The following STX3 variants were observed in gnomAD, a reference collection of about 807,000 sequenced individuals.
STX3 encodes syntaxin-3.
A neutral mutation model predicts 40.2 loss-of-function variants in STX3; 19 were observed. The observed-to-expected ratio is 0.47, with a 90% CI of 0.33 to 0.69. The LOEUF is 0.69. Ranked by LOEUF, STX3 falls within the 30% of genes least tolerant of loss-of-function variation. STX3 has a pLI of 0.02. For missense variants in STX3, 364 were observed against 366.7 expected (o/e 0.99, Z 0.06); for synonymous variants, 122 against 132.2 (o/e 0.92, Z 0.53).
At chr11:59,758,765 T>C (rs1409350212) in intron 1 of STX3, among the ~76,000 whole-genome samples, 1 of 152,228 alleles carries the variant, frequency 6.6e-6, no homozygotes, top group Non-Finnish European at 1.5e-5. Flanking sequence ...AGCTGAACTT[T>C]GAATCTGCTG....
chr11:59,784,861 G>C (rs1047019848), intron 2 of STX3, among the ~76,000 whole-genome samples: 1 of 152,162 alleles, frequency 6.6e-6, no homozygotes, highest in Non-Finnish European at 1.5e-5. Flanking sequence ...AGTATCATAG[G>C]TTGTAACAGA....
chr11:59,792,359 G>A (rs971656843), intron 6 of STX3, 144 bp downstream of exon 6: 5 of 655,604 alleles, frequency 7.6e-6, no homozygotes, highest in African/African-American at 1.8e-5. Flanking sequence ...GGCACATCCC[G>A]AATGCTGTGC....
intron 4 of STX3, 55 bp from the exon 5 acceptor site, chr11:59,790,464 C>T (rs1865061388): frequency 7.4e-7 from 1 of 1,342,418 alleles, no homozygotes; most frequent in Non-Finnish European, 1.1e-6. Context: ...CACTGAATAG[C>T]ATGTTTCTTG....
chr11:59,771,394 C>A (rs1160464321), intron 1 of STX3, among the ~76,000 whole-genome samples: 3 of 78,716 alleles, frequency 3.8e-5, no homozygotes, highest in Non-Finnish European at 7.2e-5. Flanking sequence ...TGCCCCCCGT[C>A]CCCCCACCTC....
At chr11:59,767,311 G>A (rs147037196) in intron 1 of STX3, among the ~76,000 whole-genome samples, 73 of 152,312 alleles carry the variant, frequency 4.8e-4, no homozygotes, top group Middle Eastern at 3.4e-3. Flanking sequence ...GAAGTTGATG[G>A]CTGGGCTTGT....
chr11:59,777,501 G>A (rs868168611), intron 2 of STX3, among the ~76,000 whole-genome samples: 29 of 152,244 alleles, frequency 1.9e-4, no homozygotes, highest in Middle Eastern at 3.2e-3. Context: ...GGAAAGACCA[G>A]CAAGCCAGCG....
At chr11:59,758,498 TCACC>T (rs1335132451) in intron 1 of STX3, among the ~76,000 whole-genome samples, 1 of 152,146 alleles carries the variant, frequency 6.6e-6, no homozygotes, top group Admixed American at 6.5e-5. Flanking sequence ...TCCGTGACAA[TCACC>T]CACCACTGTT....
intron 2 of STX3, among the ~76,000 whole-genome samples, chr11:59,781,104 A>ATATATT (rs1864349710): frequency 1.1e-5 from 1 of 92,534 alleles, no homozygotes; most frequent in African/African-American, 5.2e-5. Context: ...TTTTTTTTAT[A>ATATATT]TTAGCACAAA....
At chr11:59,794,315 T>C (rs138872723) in intron 8 of STX3, among the ~76,000 whole-genome samples, 1 of 152,356 alleles carries the variant, frequency 6.6e-6, no homozygotes, top group East Asian at 1.9e-4. Flanking sequence ...CTAGTTCTTA[T>C]GGGACAGTTA....
chr11:59,761,978 T>C (rs138699742), intron 1 of STX3, among the ~76,000 whole-genome samples: 1,973 of 152,324 alleles, frequency 0.013, 40 homozygotes, highest in African/African-American at 0.045. Context: ...AAGAGACTTA[T>C]ATTGGTACAT....
intron 4 of STX3, among the ~76,000 whole-genome samples, chr11:59,790,170 G>C (rs930956748): frequency 1.3e-5 from 2 of 152,200 alleles, no homozygotes; most frequent in African/African-American, 4.8e-5. Flanking sequence ...CATTAGTATT[G>C]TGAGGGAGGG....
intron 2 of STX3, among the ~76,000 whole-genome samples, chr11:59,778,252 A>G (rs1416977209): frequency 6.6e-6 from 1 of 152,182 alleles, no homozygotes; most frequent in East Asian, 1.9e-4. Context: ...TCTATTTGGC[A>G]TCACCCTGTG....
intron 2 of STX3, among the ~76,000 whole-genome samples, chr11:59,776,797 C>T (rs1863989536): frequency 6.6e-6 from 1 of 152,202 alleles, no homozygotes; most frequent in African/African-American, 2.4e-5. Context: ...AAAAGATTGG[C>T]CCTTGGGTTT....
At chr11:59,789,893 C>A (rs757246315) in intron 4 of STX3, among the ~76,000 whole-genome samples, 1 of 152,176 alleles carries the variant, frequency 6.6e-6, no homozygotes, top group Admixed American at 6.5e-5. Flanking sequence ...AAGCTACTGT[C>A]ATAGATTCAG....
intron 10 of STX3, chr11:59,800,512 C>G: frequency 1.0e-6 from 1 of 985,380 alleles, no homozygotes; most frequent in Non-Finnish European, 1.2e-6. Context: ...CAGAAAGCAG[C>G]TCCTGCAGCC....
Position 59,802,564 on chromosome 11 carries a change from T to A in STX3, c.*1740T>A. The A allele has an allele frequency of 1.0e-6, 1 of 985,838 alleles. No individual in the cohort carries two copies. The highest frequency in any genetic ancestry group is 1.2e-6 in the Non-Finnish European group (1 of 829,934). The allele number at this position is 985,838 out of a possible 1,614,324, so 61.1% of individuals were successfully genotyped here. ...AGACAAAATAACTAAAGGCCTTTGC[T>A]CTCCTCTGACATTGAGGCCTGGGGC... On this transcript the variant is annotated 3_prime_UTR_variant, in exon 11 of 11. Coordinates refer to ENST00000337979, the MANE Select transcript of STX3 (RefSeq NM_004177.5).
At chr11:59,792,351 C>CA in intron 6 of STX3, 136 bp downstream of exon 6, 2 of 669,962 alleles carry the variant, frequency 3.0e-6, no homozygotes, top group South Asian at 3.5e-5. Context: ...GCACCACTGG[C>CA]ACATCCCGAA....
chr11:59,757,372 T>A (rs1862777201), intron 1 of STX3, among the ~76,000 whole-genome samples: 1 of 152,154 alleles, frequency 6.6e-6, no homozygotes, highest in African/African-American at 2.4e-5. Context: ...TTCCATTTAT[T>A]AGGAAATCCA....
At position 59,778,537 on chromosome 11, in the gene STX3, AAAAG is replaced by A. The variant is rs201864062; in HGVS notation, c.114+5249_114+5252del. Among the ~76,000 whole-genome samples, 46 of 152,260 alleles carry A rather than the reference AAAAG, an allele frequency of 3.0e-4. No individual in the cohort carries two copies. The East Asian group carries it at 8.3e-3, about 27-fold the overall frequency. On this transcript the variant is annotated intron_variant, in intron 2 of 10. Transcript: ENST00000337979. ...CCCAAACAAAGTCAGATTTCTGTTA[AAAAG>A]AAAGAGAGGGAAGGGGCCAGGGAAT...
Sources: gnomAD v4.1 joint callset for allele counts (sites outside exome capture counted in the v4.1 genomes callset) on GRCh38, gnomAD v4.1.1 for gene constraint, MANE v1.5 for transcripts, NCBI Gene and HGNC (gene_info 2026-07-23, HGNC 2026-07-21) for gene names.